Variants in MOSMO observed in about 807,000 individuals in gnomAD.
MOSMO encodes the protein modulator of smoothened protein.
In MOSMO, 5 loss-of-function variants were observed where a neutral mutation model predicts 18.4. The observed-to-expected ratio is 0.27, with a 90% CI of 0.14 to 0.57. The LOEUF (loss-of-function observed/expected upper bound fraction) is 0.57. Ranked by LOEUF, MOSMO falls within the 20% of genes least tolerant of loss-of-function variation. The probability of loss-of-function intolerance (pLI) is 0.92; values close to 1 mark genes in which losing one functional copy is unlikely to be tolerated. For synonymous variants in MOSMO, 82 were observed against 82.3 expected, an observed-to-expected ratio of 1.00 and a Z score of 0.02; for missense variants, 138 against 211.8, an observed-to-expected ratio of 0.65 and a Z score of 2.16.
intron 1 of MOSMO, among the ~76,000 whole-genome samples, chr16:22,060,546 C>T (rs1175451882): frequency 6.6e-6 from 1 of 152,140 alleles, no homozygotes; most frequent in African/African-American, 2.4e-5. Flanking sequence ...TGGTGAACAA[C>T]TAGATTTTTA....
intron 1 of MOSMO, among the ~76,000 whole-genome samples, chr16:22,014,006 T>C (rs1899588186): frequency 6.6e-6 from 1 of 152,104 alleles, no homozygotes; most frequent in South Asian, 2.1e-4. Context: ...AAGAGGATAT[T>C]GGAGAATGTC....
downstream of MOSMO, among the ~76,000 whole-genome samples, chr16:22,088,601 T>C (rs1356195055): frequency 6.6e-6 from 1 of 152,222 alleles, no homozygotes; most frequent in Non-Finnish European, 1.5e-5. Context: ...TAAATAATAG[T>C]GGCATTCTCT....
At chr16:22,029,357 C>T (rs1026259270) in intron 1 of MOSMO, among the ~76,000 whole-genome samples, 5 of 152,134 alleles carry the variant, frequency 3.3e-5, no homozygotes, top group African/African-American at 1.2e-4. Context: ...CTGGCCTTGT[C>T]ATCTGTCTAG....
At chr16:22,019,686 G>C (rs62047192) in intron 1 of MOSMO, among the ~76,000 whole-genome samples, 1 of 152,222 alleles carries the variant, frequency 6.6e-6, no homozygotes, top group South Asian at 2.1e-4. Flanking sequence ...CCTGGGCTAG[G>C]GAATAAAATT....
At chr16:22,047,893 C>T (rs576384149) in intron 1 of MOSMO, among the ~76,000 whole-genome samples, 16 of 152,182 alleles carry the variant, frequency 1.1e-4, no homozygotes, top group Admixed American at 8.5e-4. Flanking sequence ...GTGGGGCACT[C>T]TGGAGTGAAG....
In MOSMO at chr16:22,070,289, G is replaced by A. The variant is rs73533970; in HGVS notation, c.107-5198G>A. Among the ~76,000 whole-genome samples the A allele has an allele frequency of 5.3e-5, 8 of 152,258 alleles. No individual in the cohort carries two copies. The East Asian group carries it at 9.6e-4, about 18-fold the overall frequency. On this transcript the variant is annotated intron_variant, in intron 1 of 2. Coordinates refer to ENST00000542527, the MANE Select transcript of MOSMO (RefSeq NM_001164579.2). ...AATTTAGAAATTTACAGCAGCACCC[G>A]TCTGCTCTGATGTGATTTTCTCCAT...
chr16:22,037,782 T>C (rs1900136153), intron 1 of MOSMO, among the ~76,000 whole-genome samples: 1 of 152,140 alleles, frequency 6.6e-6, no homozygotes, highest in Non-Finnish European at 1.5e-5. Context: ...GCAAGGCATG[T>C]GGGAAGGGGC....
chr16:22,029,285 A>C (rs897045772), intron 1 of MOSMO, among the ~76,000 whole-genome samples: 2 of 152,230 alleles, frequency 1.3e-5, no homozygotes, highest in African/African-American at 2.4e-5. Flanking sequence ...AGATACATGT[A>C]TGATTCATAA....
intron 1 of MOSMO, among the ~76,000 whole-genome samples, chr16:22,041,355 A>G (rs1399407015): frequency 2.0e-5 from 3 of 152,212 alleles, no homozygotes; most frequent in South Asian, 2.1e-4. Flanking sequence ...ACAATTGTCA[A>G]TTTTTAATAT....
At chr16:22,058,013 A>G (rs576889247) in intron 1 of MOSMO, among the ~76,000 whole-genome samples, 3 of 152,174 alleles carry the variant, frequency 2.0e-5, no homozygotes, top group Non-Finnish European at 4.4e-5. Flanking sequence ...AAAAAAAGGC[A>G]TAGTTCAGGT....
At chr16:22,087,383 A>G (rs1901205134), downstream of MOSMO, 1 of 152,216 alleles carries the variant, frequency 6.6e-6, no homozygotes, top group African/African-American at 2.4e-5. Flanking sequence ...TTTGGTCACT[A>G]TTAAATCAAT....
intron 1 of MOSMO, among the ~76,000 whole-genome samples, chr16:22,013,354 T>C (rs1173296080): frequency 2.0e-5 from 3 of 152,318 alleles, no homozygotes; most frequent in South Asian, 2.1e-4. Flanking sequence ...CTTTTACTTA[T>C]CTTAAATGAA....
intron 1 of MOSMO, among the ~76,000 whole-genome samples, chr16:22,030,203 A>G (rs1044349042): frequency 9.9e-5 from 15 of 152,184 alleles, no homozygotes; most frequent in African/African-American, 3.6e-4. Context: ...TAGAATTGAT[A>G]AGAATGCACT....
chr16:22,055,068 C>T (rs1422978598), intron 1 of MOSMO, among the ~76,000 whole-genome samples: 1 of 151,846 alleles, frequency 6.6e-6, no homozygotes, highest in Admixed American at 6.6e-5. Context: ...TAGTGTAAGT[C>T]TCTAGCCCAC....
intron 1 of MOSMO, among the ~76,000 whole-genome samples, chr16:22,031,932 A>G (rs1435647473): frequency 6.6e-6 from 1 of 152,080 alleles, no homozygotes; most frequent in Non-Finnish European, 1.5e-5. Context: ...GAACTATCAG[A>G]CTGTTTTCCA....
At chr16:22,070,450 G>A (rs1486133405) in intron 1 of MOSMO, among the ~76,000 whole-genome samples, 2 of 152,156 alleles carry the variant, frequency 1.3e-5, no homozygotes, top group South Asian at 2.1e-4. Context: ...GGCTGGGTAG[G>A]GAAAGACATG....
At chr16:22,012,739 GAAAAAAAA>G (rs5816166) in intron 1 of MOSMO, among the ~76,000 whole-genome samples, 1 of 67,140 alleles carries the variant, frequency 1.5e-5, no homozygotes, top group Admixed American at 1.4e-4. Context: ...AGAAGGAATA[GAAAAAAAA>G]AAAAAAAAAA....
chr16:22,024,657 G>A (rs762279236), intron 1 of MOSMO, among the ~76,000 whole-genome samples: 3 of 152,046 alleles, frequency 2.0e-5, no homozygotes, highest in South Asian at 2.1e-4. Flanking sequence ...GAGCCACTGC[G>A]CCTGGCCGAA....
At chr16:22,021,553 C>G (rs1045378960) in intron 1 of MOSMO, among the ~76,000 whole-genome samples, 29 of 152,090 alleles carry the variant, frequency 1.9e-4, no homozygotes, top group Admixed American at 5.9e-4. Context: ...TCCCAACACT[C>G]TGGGAGGCCG....
Sources: gnomAD v4.1 joint callset for allele counts (sites outside exome capture counted in the v4.1 genomes callset) on GRCh38, gnomAD v4.1.1 for gene constraint, MANE v1.5 for transcripts, NCBI Gene and HGNC (gene_info 2026-07-23, HGNC 2026-07-21) for gene names.